LRRC8D: variants seen among roughly 807,000 people sequenced by gnomAD.
LRRC8D encodes the protein volume-regulated anion channel subunit LRRC8D.
A neutral mutation model predicts 55.8 loss-of-function variants in LRRC8D; 20 were observed. The ratio of observed to expected loss-of-function variants is 0.36; its 90% CI spans 0.25 to 0.52. The LOEUF is 0.52. LRRC8D is among the 20% of genes least tolerant of loss of function. The pLI, the probability that LRRC8D is intolerant of heterozygous loss-of-function variation, is 0.93. For missense variants in LRRC8D, 651 were observed against 1,030.8 expected, an observed-to-expected ratio of 0.63 and a Z score of 5.05; for synonymous variants, 352 against 377.0, an observed-to-expected ratio of 0.93 and a Z score of 0.77.
chr1:89,902,567 C>T (rs141252682), intron 2 of LRRC8D, among the ~76,000 whole-genome samples: 2,378 of 150,780 alleles, frequency 0.016, 64 homozygotes, highest in African/African-American at 0.055. Flanking sequence ...GACTGAGTCT[C>T]GCTCTGTCGC....
intron 2 of LRRC8D, among the ~76,000 whole-genome samples, chr1:89,895,965 T>C (rs1489240549): frequency 6.6e-6 from 1 of 152,176 alleles, no homozygotes; most frequent in East Asian, 1.9e-4. Flanking sequence ...TTACATAATA[T>C]ATGTCTCCTC....
intron 2 of LRRC8D, among the ~76,000 whole-genome samples, chr1:89,874,647 T>C (rs1662105992): frequency 6.6e-6 from 1 of 152,158 alleles, no homozygotes; most frequent in East Asian, 1.9e-4. Flanking sequence ...CTCCACTCAG[T>C]ATGTATTGAC....
At chr1:89,858,564 TAA>T (rs1211867006) in intron 2 of LRRC8D, among the ~76,000 whole-genome samples, 2 of 152,244 alleles carry the variant, frequency 1.3e-5, no homozygotes, top group Non-Finnish European at 2.9e-5. Context: ...TTGATTTCTT[TAA>T]AAGTTGTCTT....
chr1:89,914,439 G>A (rs1663208321), intron 2 of LRRC8D, among the ~76,000 whole-genome samples: 1 of 152,258 alleles, frequency 6.6e-6, no homozygotes, highest in Non-Finnish European at 1.5e-5. Flanking sequence ...TGCTCCTCAA[G>A]TGCCACCAAA....
At chr1:89,869,600 T>C (rs1661943978) in intron 2 of LRRC8D, among the ~76,000 whole-genome samples, 1 of 151,936 alleles carries the variant, frequency 6.6e-6, no homozygotes, top group South Asian at 2.1e-4. Flanking sequence ...ATTCAGGAAA[T>C]ACAGAGAACA....
chr1:89,862,979 T>TCATATA (rs1557456494), intron 2 of LRRC8D, among the ~76,000 whole-genome samples: 3 of 152,220 alleles, frequency 2.0e-5, no homozygotes, highest in Admixed American at 2.0e-4. Flanking sequence ...CTTTTAGTTC[T>TCATATA]TTGTTATTAT....
chr1:89,860,852 TGA>T (rs1197657861), intron 2 of LRRC8D, among the ~76,000 whole-genome samples: 2 of 145,968 alleles, frequency 1.4e-5, no homozygotes, highest in Non-Finnish European at 3.0e-5. Flanking sequence ...AGATTTTCCT[TGA>T]AATTCTTTTT....
At chr1:89,914,415 T>C (rs1663207856) in intron 2 of LRRC8D, among the ~76,000 whole-genome samples, 1 of 152,208 alleles carries the variant, frequency 6.6e-6, no homozygotes, top group African/African-American at 2.4e-5. Flanking sequence ...CCACAGTGCA[T>C]TGGTGGGCTG....
At chr1:89,932,995 C>A in intron 2 of LRRC8D, 72 bp from the exon 3 acceptor site, 2 of 1,343,274 alleles carry the variant, frequency 1.5e-6, no homozygotes, top group Non-Finnish European at 2.1e-6. Flanking sequence ...TAGGAGCAGG[C>A]ATAGGGTTTT....
intron 2 of LRRC8D, among the ~76,000 whole-genome samples, chr1:89,907,751 G>T (rs980484123): frequency 6.6e-6 from 1 of 152,130 alleles, no homozygotes; most frequent in Admixed American, 6.5e-5. Flanking sequence ...CATATTTTAA[G>T]TAAACACTGT....
At chr1:89,928,459 GAAAGAAA>G (rs990894621) in intron 2 of LRRC8D, among the ~76,000 whole-genome samples, 5 of 152,228 alleles carry the variant, frequency 3.3e-5, no homozygotes, top group African/African-American at 1.2e-4. Flanking sequence ...AAGTTCAATA[GAAAGAAA>G]AAAGAAAAAT....
intron 2 of LRRC8D, among the ~76,000 whole-genome samples, chr1:89,895,109 G>A (rs988965781): frequency 2.0e-5 from 3 of 151,970 alleles, no homozygotes; most frequent in Admixed American, 2.0e-4. Context: ...ACAGACAGGT[G>A]TGCTAGATAA....
At chr1:89,927,978 G>A (rs766329400) in intron 2 of LRRC8D, among the ~76,000 whole-genome samples, 1 of 152,224 alleles carries the variant, frequency 6.6e-6, no homozygotes, top group African/African-American at 2.4e-5. Context: ...AAGGGTGAGA[G>A]TAGGGCATGG....
chr1:89,885,839 G>A (rs555801212), intron 2 of LRRC8D, among the ~76,000 whole-genome samples: 2 of 152,302 alleles, frequency 1.3e-5, no homozygotes, highest in East Asian at 1.9e-4. Context: ...TGCAGGCTGT[G>A]GAGGCAGAAT....
Position 89,860,530 on chromosome 1 carries a change from C to T in LRRC8D, c.-3+16748C>T, listed in dbSNP as rs560923673. Among the ~76,000 whole-genome samples, 22 of 151,494 alleles carry T rather than the reference C, an allele frequency of 1.5e-4. No individual in the cohort carries two copies. In the South Asian group the frequency reaches 2.7e-3, roughly 19 times the overall value. ...ATCCTAGCACTTTGTGAGGCCAGGG[C>T]GGGCAGATCATGAGGTCAAGAGATC... On this transcript the variant is annotated intron_variant, in intron 2 of 2. Coordinates refer to ENST00000337338, the MANE Select transcript of LRRC8D (RefSeq NM_001134479.2).
At chr1:89,907,391 A>C (rs1441407601) in intron 2 of LRRC8D, among the ~76,000 whole-genome samples, 1 of 151,896 alleles carries the variant, frequency 6.6e-6, no homozygotes, top group Non-Finnish European at 1.5e-5. Context: ...GGGTTTTGCC[A>C]TGTTGGCCAG....
intron 2 of LRRC8D, among the ~76,000 whole-genome samples, chr1:89,876,429 A>G (rs947308464): frequency 1.3e-5 from 2 of 152,212 alleles, no homozygotes; most frequent in Admixed American, 6.5e-5. Context: ...CTTCTTAAAA[A>G]CTACTGGGTT....
At chr1:89,902,882 T>C (rs1172855526) in intron 2 of LRRC8D, among the ~76,000 whole-genome samples, 1 of 152,214 alleles carries the variant, frequency 6.6e-6, no homozygotes, top group Non-Finnish European at 1.5e-5. Flanking sequence ...CATTTGGCTT[T>C]TGCATAGACT....
At chr1:89,885,079 A>G (rs1662384322) in intron 2 of LRRC8D, among the ~76,000 whole-genome samples, 1 of 152,142 alleles carries the variant, frequency 6.6e-6, no homozygotes, top group South Asian at 2.1e-4. Context: ...TTCTAAACCT[A>G]TTTTATGTTA....
Sources: allele counts gnomAD v4.1 joint callset (sites outside exome capture counted in the v4.1 genomes callset), GRCh38; gene constraint gnomAD v4.1.1; transcripts MANE v1.5; gene names NCBI Gene and HGNC (gene_info 2026-07-23, HGNC 2026-07-21).